KIAA1549: variants seen among roughly 807,000 people sequenced by gnomAD.
KIAA1549 encodes KIAA1549, also known as UPF0606 protein KIAA1549.
A neutral mutation model predicts 156.4 loss-of-function variants in KIAA1549; 70 were observed. The observed-to-expected ratio is 0.45, with a 90% CI of 0.37 to 0.55. KIAA1549 has a LOEUF of 0.55. KIAA1549 is among the 20% of genes least tolerant of loss of function. The pLI, the probability that KIAA1549 is intolerant of heterozygous loss-of-function variation, is 0.00. For synonymous variants in KIAA1549, 1,103 were observed against 1,066.4 expected (o/e 1.03, Z -0.67); for missense variants, 2,428 against 2,540.9 (o/e 0.96, Z 0.96).
At position 138,903,865 on chromosome 7, in the gene KIAA1549, GCGCGCA is replaced by G. The variant is rs1280418217; in HGVS notation, c.3521-135_3521-130del. On this transcript the variant is annotated intron_variant, in intron 7 of 19. Transcript: ENST00000422774. The stretch of plus-strand genomic sequence containing the variant: ...TGTGTGTGTGTGTGCGCGCGCGCGC[GCGCGCA>G]CATATGTATTTGAAATTAATGCAAG... 52 of 674,242 alleles carry G rather than the reference GCGCGCA, an allele frequency of 7.7e-5. 1 individual carries two copies. The African/African-American group carries it at 1.3e-3, about 17-fold the overall frequency. 41.8% of individuals were successfully genotyped at this position (674,242 alleles called of 1,614,324 possible). A position where few individuals can be genotyped will look rare whatever the true frequency, so the allele number is the denominator to read the frequency against.
rs554552030 is a variant in KIAA1549, at chr7:138,935,427, G to A, written c.188-15989C>T. Among the ~76,000 whole-genome samples, 65 of 152,292 alleles carry A rather than the reference G, an allele frequency of 4.3e-4. 1 individual carries two copies. Among genetic ancestry groups the A allele is most frequent in the South Asian group, 1.5e-3 (7 of 4,822 alleles). On this transcript the variant is annotated intron_variant, in intron 1 of 19. Coordinates refer to ENST00000422774, the MANE Select transcript of KIAA1549 (RefSeq NM_001164665.2). The stretch of plus-strand genomic sequence containing the variant: ...ACCAACCTAGAAAGCAAGACTGTCA[G>A]CACTTTGAGTAACCAAAACAAACTA...
intron 1 of KIAA1549, among the ~76,000 whole-genome samples, chr7:138,962,500 G>A (rs1005605455): frequency 2.0e-5 from 3 of 152,124 alleles, no homozygotes; most frequent in South Asian, 2.1e-4. Flanking sequence ...TAAGAGGGCC[G>A]CTAGCTCCTG....
intron 7 of KIAA1549, among the ~76,000 whole-genome samples, chr7:138,904,091 T>C (rs1166198871): frequency 6.6e-6 from 1 of 152,174 alleles, no homozygotes; most frequent in African/African-American, 2.4e-5. Flanking sequence ...GATCAAACAT[T>C]TTGTCTGCAC....
chr7:138,890,749 A>G (rs951058447), intron 10 of KIAA1549, among the ~76,000 whole-genome samples: 1 of 152,184 alleles, frequency 6.6e-6, no homozygotes, highest in Non-Finnish European at 1.5e-5. Context: ...TTTTCAATTC[A>G]CTGTCCATAC....
At position 138,906,020 on chromosome 7, in the gene KIAA1549, C is replaced by T. The variant is rs1339516994; in HGVS notation, c.3460+899G>A. On this transcript the variant is annotated intron_variant, in intron 6 of 19. Coordinates refer to ENST00000422774, the MANE Select transcript of KIAA1549 (RefSeq NM_001164665.2). ...GCTCTGACAACCACAGATTCGTCCT[C>T]CCTAAATTATGCCTTTTCCAGAATT... Among the ~76,000 whole-genome samples the T allele has an allele frequency of 2.6e-5, 4 of 152,278 alleles. No individual in the cohort carries two copies. In the East Asian group the frequency reaches 7.7e-4, roughly 29 times the overall value.
At chr7:138,949,861 G>A (rs1441689574) in intron 1 of KIAA1549, among the ~76,000 whole-genome samples, 7 of 152,206 alleles carry the variant, frequency 4.6e-5, no homozygotes, top group African/African-American at 1.2e-4. Context: ...AGCAGGGGCC[G>A]GGGCAATTCA....
At chr7:138,904,621 CAA>C (rs768150554) in intron 7 of KIAA1549, among the ~76,000 whole-genome samples, 58 of 45,668 alleles carry the variant, frequency 1.3e-3, no homozygotes, top group Non-Finnish European at 1.1e-3. Context: ...TCCCCTAAGA[CAA>C]AAAAAAAAAA....
intron 1 of KIAA1549, among the ~76,000 whole-genome samples, chr7:138,942,439 T>G (rs1258279588): frequency 6.6e-6 from 1 of 151,238 alleles, no homozygotes; most frequent in Non-Finnish European, 1.5e-5. Flanking sequence ...TGAGGCTAGC[T>G]CCTGCAATCA....
intron 6 of KIAA1549, 92 bp downstream of exon 6, chr7:138,906,827 C>A (rs1563072045): frequency 5.9e-6 from 6 of 1,011,342 alleles, no homozygotes; most frequent in South Asian, 2.2e-5. Context: ...AAAATCAAGT[C>A]TTTTAAAAAA....
rs749474058 is a variant in KIAA1549 at position 138,917,666 on chromosome 7, C to T, written c.1960G>A (p.Asp654Asn). ...GACTGAGATGTGAAGGGGGACAAGTCACTCGGCATCAGAGACAGAGACGCA... is the reference window on the plus strand; with the variant it reads ...GACTGAGATGTGAAGGGGGACAAGTTACTCGGCATCAGAGACAGAGACGCA... Reference protein sequence around the residue: ...APASLSLMPSDLSPFTSQSFS... With the variant: ...APASLSLMPSNLSPFTSQSFS... The change falls in exon 2 of 20, where the codon GAC (aspartate) becomes AAC (asparagine). Residue 654 changes from aspartate to asparagine, a missense_variant. By Grantham distance (23) the Asp-to-Asn change is conservative. Transcript: ENST00000422774. 6.2e-7 allele frequency: 1 copy of T among 1,612,312 alleles called. No homozygotes were observed.
chr7:138,958,697 A>G (rs959777146), intron 1 of KIAA1549, among the ~76,000 whole-genome samples: 13 of 151,998 alleles, frequency 8.6e-5, no homozygotes, highest in Admixed American at 5.2e-4. Flanking sequence ...CTTCCCTGGT[A>G]TAGAGAGGAC....
At position 138,940,732 on chromosome 7, in the gene KIAA1549, T is replaced by C. The variant is rs1322982436; in HGVS notation, c.188-21294A>G. Among the ~76,000 whole-genome samples, 7 of 152,300 alleles carry C rather than the reference T, an allele frequency of 4.6e-5. 1 individual carries two copies. Among genetic ancestry groups the C allele is most frequent in the African/African-American group, 1.7e-4 (7 of 41,580 alleles). ...CTAACTGGTGTGAGATGGTATCTCA[T>C]TGTGGTTTTGATTTGCATTTCTCTG... On this transcript the variant is annotated intron_variant, in intron 1 of 19. Transcript: ENST00000422774.
chr7:138,893,381 G>C (rs141494474), intron 10 of KIAA1549, among the ~76,000 whole-genome samples: 4 of 151,862 alleles, frequency 2.6e-5, no homozygotes, highest in East Asian at 3.9e-4. Context: ...GATAGGGAGT[G>C]GGGGGAGGTA....
chr7:138,885,849 C>CG (rs1411173134), intron 10 of KIAA1549, among the ~76,000 whole-genome samples: 3 of 146,958 alleles, frequency 2.0e-5, no homozygotes, highest in African/African-American at 7.6e-5. Flanking sequence ...TGAAGCCAGT[C>CG]GGTCAGAAGT....
chr7:138,962,361 T>A (rs1326171396), intron 1 of KIAA1549, among the ~76,000 whole-genome samples: 1 of 152,208 alleles, frequency 6.6e-6, no homozygotes, highest in Non-Finnish European at 1.5e-5. Flanking sequence ...CCACCATCAA[T>A]GTCAATGTCT....
intron 1 of KIAA1549, among the ~76,000 whole-genome samples, chr7:138,937,079 G>A (rs1473867614): frequency 3.3e-5 from 5 of 152,126 alleles, no homozygotes; most frequent in African/African-American, 1.2e-4. Context: ...CCTCAGCTGA[G>A]ATACAAGAGC....
At chr7:138,843,156 CTTCTT>C (rs1400040550) in intron 18 of KIAA1549, among the ~76,000 whole-genome samples, 1 of 152,200 alleles carries the variant, frequency 6.6e-6, no homozygotes, top group African/African-American at 2.4e-5. Context: ...CTTCTGTCAT[CTTCTT>C]TTATCAGCTA....
At chr7:138,844,190 G>A in intron 18 of KIAA1549, 127 bp downstream of exon 18, 7 of 1,077,954 alleles carry the variant, frequency 6.5e-6, no homozygotes, top group South Asian at 1.4e-5. Context: ...AGGATATGAG[G>A]GGAAACAGCC....
chr7:138,915,580 A>G (rs1812293903), intron 2 of KIAA1549, among the ~76,000 whole-genome samples: 1 of 151,672 alleles, frequency 6.6e-6, no homozygotes, highest in African/African-American at 2.4e-5. Context: ...TGTCACAGTG[A>G]GCAGAGGCTC....
Sources: gnomAD v4.1 joint callset for allele counts (sites outside exome capture counted in the v4.1 genomes callset) on GRCh38, gnomAD v4.1.1 for gene constraint, MANE v1.5 for transcripts, NCBI Gene and HGNC (gene_info 2026-07-23, HGNC 2026-07-21) for gene names.